NAV1: variants seen among roughly 807,000 people sequenced by gnomAD.
The protein encoded by NAV1 is neuron navigator 1.
A neutral mutation model predicts 175.2 loss-of-function variants in NAV1; 18 were observed. The observed-to-expected ratio is 0.10, with a 90% confidence interval of 0.07 to 0.15. NAV1 has a LOEUF of 0.15. Ranked by LOEUF, NAV1 falls within the 10% of genes least tolerant of loss-of-function variation. NAV1 has a pLI of 1.00. For missense variants in NAV1, 1,731 were observed against 2,436.6 expected (o/e 0.71, Z 6.10); for synonymous variants, 897 against 978.7 (o/e 0.92, Z 1.56).
At chr1:201,688,874 A>G (rs1003840956) in intron 1 of NAV1, among the ~76,000 whole-genome samples, 6 of 152,164 alleles carry the variant, frequency 3.9e-5, no homozygotes, top group African/African-American at 1.4e-4. Context: ...ATTGAAAAGG[A>G]GGTTGGTTAG....
intron 1 of NAV1, among the ~76,000 whole-genome samples, chr1:201,553,694 G>A (rs925405687): frequency 2.0e-5 from 3 of 152,134 alleles, no homozygotes; most frequent in African/African-American, 4.8e-5. Flanking sequence ...CACTGTCTCC[G>A]TGTTCTGATT....
rs541366337 is a variant in NAV1 at position 201,567,914 on chromosome 1, A to G, written c.-143-20625A>G. ...GCACGGAGCAAGGGTAACTGACCCA[A>G]TTGAAGATCAACCCTAGGAGACAGA... On this transcript the variant is annotated intron_variant, in intron 1 of 33. Coordinates refer to the NAV1 transcript ENST00000685211. Among the ~76,000 whole-genome samples, 15 of 152,236 alleles carry G rather than the reference A, an allele frequency of 9.9e-5. No individual in the cohort carries two copies. In the South Asian group the frequency reaches 3.1e-3, roughly 32 times the overall value.
intron 1 of NAV1, among the ~76,000 whole-genome samples, chr1:201,677,088 T>C (rs1178891098): frequency 6.6e-6 from 1 of 151,724 alleles, no homozygotes; most frequent in East Asian, 1.9e-4. Context: ...CCTGTCTCTA[T>C]TAAAAATACA....
chr1:201,636,833 A>G (rs981569976), intron 2 of NAV1, among the ~76,000 whole-genome samples: 5 of 152,166 alleles, frequency 3.3e-5, no homozygotes, highest in Non-Finnish European at 7.4e-5. Context: ...CAGGGGCAAA[A>G]GCTGACCTCA....
At chr1:201,809,114 A>G (rs189405486) in intron 20 of NAV1, 50 bp from the exon 25 acceptor site, 1,046 of 1,564,304 alleles carry the variant, frequency 6.7e-4, no homozygotes, top group Admixed American at 1.6e-3. Context: ...AAAGTTTAGG[A>G]AAGGCTGCGG....
intron 3 of NAV1, among the ~76,000 whole-genome samples, chr1:201,771,718 T>A (rs935948789): frequency 6.6e-6 from 1 of 152,036 alleles, no homozygotes; most frequent in African/African-American, 2.4e-5. Flanking sequence ...AAAATAAGAC[T>A]GAGGGAAAAA....
intron 1 of NAV1, among the ~76,000 whole-genome samples, chr1:201,684,774 C>T (rs1255013313): frequency 2.0e-5 from 3 of 151,644 alleles, no homozygotes; most frequent in African/African-American, 7.3e-5. Flanking sequence ...TGTGCCCAGC[C>T]TATGCAGCTT....
Position 201,788,426 on chromosome 1 carries a change from C to A in NAV1, c.2996-42C>A. 1 of 1,610,986 alleles carries A rather than the reference C, an allele frequency of 6.2e-7. No individual in the cohort carries two copies. The highest frequency in any genetic ancestry group is 8.5e-7 in the Non-Finnish European group (1 of 1,178,392). On this transcript the variant is annotated intron_variant, in intron 9 of 29. Coordinates refer to ENST00000367296, the Ensembl canonical transcript of NAV1. This position sits in a 1 kb window ranked among gnomAD's most constrained non-coding sequence, Gnocchi z 5.7. Reference sequence around the variant, plus strand: ...TGATGACCCTGCCTCTTTTCCTGCCCTCCTGCTCCCTCTCCTGTCCCCCTT... The same window carrying A: ...TGATGACCCTGCCTCTTTTCCTGCCATCCTGCTCCCTCTCCTGTCCCCCTT...
chr1:201,623,928 A>G (rs1012757269), intron 1 of NAV1, among the ~76,000 whole-genome samples: 3 of 152,200 alleles, frequency 2.0e-5, no homozygotes, highest in African/African-American at 7.2e-5. Context: ...AAAGATTGGG[A>G]TGTCGTGGAA....
chr1:201,650,816 A>G (rs1389585620), intron 1 of NAV1, among the ~76,000 whole-genome samples: 5 of 152,136 alleles, frequency 3.3e-5, no homozygotes, highest in Non-Finnish European at 7.4e-5. Context: ...GGACAAGGGC[A>G]AAAGAAGAGC....
intron 2 of NAV1, among the ~76,000 whole-genome samples, chr1:201,598,720 T>C (rs1667431906): frequency 6.6e-6 from 1 of 152,176 alleles, no homozygotes; most frequent in Non-Finnish European, 1.5e-5. Flanking sequence ...GGAGCTGAGC[T>C]AATGGATGCA....
chr1:201,608,519 G>C (rs964686289), intron 2 of NAV1, among the ~76,000 whole-genome samples: 2 of 152,220 alleles, frequency 1.3e-5, no homozygotes, highest in Non-Finnish European at 2.9e-5. Flanking sequence ...GTGAGGCACC[G>C]AGTACAGGCA....
chr1:201,748,770 T>G (rs1318469326), intron 3 of NAV1, among the ~76,000 whole-genome samples: 1 of 152,158 alleles, frequency 6.6e-6, no homozygotes, highest in African/African-American at 2.4e-5. Context: ...GTTGGGACCC[T>G]TGGGTTTGGT....
intron 1 of NAV1, among the ~76,000 whole-genome samples, chr1:201,671,358 C>G (rs1011753521): frequency 2.6e-5 from 4 of 152,108 alleles, no homozygotes; most frequent in Non-Finnish European, 5.9e-5. Flanking sequence ...CTCTTCAAAG[C>G]CGACACCTCC....
At chr1:201,567,197 A>T (rs1325983686) in intron 1 of NAV1, among the ~76,000 whole-genome samples, 1 of 152,126 alleles carries the variant, frequency 6.6e-6, no homozygotes, top group Non-Finnish European at 1.5e-5. Flanking sequence ...GCCTGACAAG[A>T]TGGGAAAGCC....
chr1:201,650,425 G>A (rs1669153009), intron 1 of NAV1, among the ~76,000 whole-genome samples: 1 of 152,218 alleles, frequency 6.6e-6, no homozygotes, highest in Non-Finnish European at 1.5e-5. Context: ...CTGGTGCCCA[G>A]GCGAGCTGCT....
upstream of NAV1, among the ~76,000 whole-genome samples, chr1:201,620,002 T>C (rs1668112808): frequency 6.6e-6 from 1 of 152,230 alleles, no homozygotes. Flanking sequence ...TAGAATAATT[T>C]CTTGTGGAAA....
chr1:201,658,415 G>A (rs1441360485), intron 1 of NAV1, among the ~76,000 whole-genome samples: 1 of 152,186 alleles, frequency 6.6e-6, no homozygotes, highest in African/African-American at 2.4e-5. Flanking sequence ...GAGGGGACAT[G>A]CTACAGAAGT....
At chr1:201,755,663 T>C (rs544708751) in intron 3 of NAV1, among the ~76,000 whole-genome samples, 3 of 152,336 alleles carry the variant, frequency 2.0e-5, no homozygotes, top group East Asian at 1.9e-4. Context: ...ACAAGAATCA[T>C]AGTAGTGTGG....
Sources: gnomAD v4.1 joint callset for allele counts (sites outside exome capture counted in the v4.1 genomes callset) on GRCh38, gnomAD v4.1.1 for gene constraint, Gnocchi (gnomAD v3.1) non-coding constraint, MANE v1.5 for transcripts, NCBI Gene and HGNC (gene_info 2026-07-23, HGNC 2026-07-21) for gene names.